FSTL1: variants seen among roughly 807,000 people sequenced by gnomAD.
The protein encoded by FSTL1 is follistatin-related protein 1.
In FSTL1, 24 loss-of-function variants were observed where a neutral mutation model predicts 45.9. The ratio of observed to expected loss-of-function variants is 0.52; its 90% CI spans 0.38 to 0.74. FSTL1 has a LOEUF of 0.74. Among genes scored for constraint, FSTL1 ranks in the 30% least tolerant of loss-of-function variants. FSTL1 has a pLI of 0.00. For missense variants in FSTL1, 340 were observed against 381.8 expected, an observed-to-expected ratio of 0.89 and a Z score of 0.91; for synonymous variants, 120 against 137.6, an observed-to-expected ratio of 0.87 and a Z score of 0.89.
Position 120,413,979 on chromosome 3 carries a change from C to T in FSTL1, c.168+1944G>A, listed in dbSNP as rs967558989. Among the ~76,000 whole-genome samples, 34 of 152,034 alleles carry T rather than the reference C, an allele frequency of 2.2e-4. No individual in the cohort carries two copies. In the South Asian group the frequency reaches 6.0e-3, roughly 27 times the overall value. ...ACTGGTTTTGGTGGAGACGGGGTTT[C>T]GCTGTGTTGGCCAGGCCGGTCTCCA... On this transcript the variant is annotated intron_variant, in intron 3 of 10. Transcript: ENST00000295633.
chr3:120,446,257 T>C (rs1478444898), intron 2 of FSTL1, among the ~76,000 whole-genome samples: 1 of 152,224 alleles, frequency 6.6e-6, no homozygotes, highest in East Asian at 1.9e-4. Flanking sequence ...TTCAAAGACT[T>C]TCTTTTCGTC....
chr3:120,442,127 C>T (rs1195401384), intron 2 of FSTL1, among the ~76,000 whole-genome samples: 1 of 152,218 alleles, frequency 6.6e-6, no homozygotes, highest in Non-Finnish European at 1.5e-5. Flanking sequence ...CCCTTCATCT[C>T]TTGCAGGTAT....
intron 3 of FSTL1, among the ~76,000 whole-genome samples, chr3:120,412,811 CACACAT>C (rs1576213828): frequency 9.3e-6 from 1 of 107,534 alleles, no homozygotes; most frequent in East Asian, 2.7e-4. Context: ...GGCAAACACA[CACACAT>C]GTGCGCGCGC....
intron 2 of FSTL1, chr3:120,441,309 T>G (rs958669790): frequency 2.6e-5 from 4 of 152,216 alleles, no homozygotes; most frequent in Admixed American, 1.3e-4. Flanking sequence ...CCCAGTTATT[T>G]CCATTCACTC....
At chr3:120,409,051 C>G (rs1937000546) in intron 6 of FSTL1, among the ~76,000 whole-genome samples, 1 of 152,190 alleles carries the variant, frequency 6.6e-6, no homozygotes, top group Admixed American at 6.5e-5. Flanking sequence ...GGAACAATCT[C>G]TGGACCCATG....
chr3:120,403,575 C>T (rs1385491143), intron 7 of FSTL1, among the ~76,000 whole-genome samples: 2 of 152,160 alleles, frequency 1.3e-5, no homozygotes, highest in Admixed American at 6.5e-5. Context: ...TGTCAGATCA[C>T]CCAGGCTGTC....
At chr3:120,427,919 A>G (rs1937409343) in intron 2 of FSTL1, among the ~76,000 whole-genome samples, 1 of 152,132 alleles carries the variant, frequency 6.6e-6, no homozygotes, top group Non-Finnish European at 1.5e-5. Flanking sequence ...GCTGCCTGAT[A>G]CCTTGGGGGC....
chr3:120,401,641 G>A (rs1936829086), intron 9 of FSTL1, among the ~76,000 whole-genome samples: 1 of 151,650 alleles, frequency 6.6e-6, no homozygotes. Flanking sequence ...AGAATGCAGT[G>A]GCGTGACTAT....
In FSTL1 at chr3:120,396,220, T is replaced by C. The variant is rs1200385651; in HGVS notation, c.*732A>G. The C allele has an allele frequency of 1.3e-5, 2 of 150,514 alleles. No individual in the cohort carries two copies. Among genetic ancestry groups the C allele is most frequent in the African/African-American group, 2.5e-5 (1 of 40,570 alleles). 9.3% of individuals were successfully genotyped at this position (150,514 alleles called of 1,614,324 possible). A position where few individuals can be genotyped will look rare whatever the true frequency, so the allele number is the denominator to read the frequency against. On this transcript the variant is annotated 3_prime_UTR_variant, in exon 11 of 11. Coordinates refer to ENST00000295633, the MANE Select transcript of FSTL1 (RefSeq NM_007085.5). ...AAAGCTTAATACCTAGTCAAGAAAA[T>C]AAAATATTAAAAAACAATAATATAA...
At chr3:120,429,032 G>A (rs994919492) in intron 2 of FSTL1, among the ~76,000 whole-genome samples, 4 of 152,214 alleles carry the variant, frequency 2.6e-5, no homozygotes, top group African/African-American at 9.6e-5. Flanking sequence ...GGAAAACCTG[G>A]AGTCCGAGGA....
At chr3:120,446,880 G>C (rs1044394031) in intron 2 of FSTL1, among the ~76,000 whole-genome samples, 4 of 152,156 alleles carry the variant, frequency 2.6e-5, no homozygotes, top group African/African-American at 9.7e-5. Flanking sequence ...TCTCTCTTAG[G>C]TAATACACTC....
Position 120,403,210 on chromosome 3 carries a change from C to T in FSTL1, c.694+32G>A, listed in dbSNP as rs749778932. 4.2e-5 allele frequency: 51 copies of T among 1,212,426 alleles called. 1 individual carries two copies. The highest frequency in any genetic ancestry group is 6.3e-5 in the Non-Finnish European group (51 of 812,900). The allele number at this position is 1,212,426 out of a possible 1,614,324, so 75.1% of individuals were successfully genotyped here. ...GGCTCCTACAAAATGCCTCCATTCACTACAGCTCTCTATTTCTTAGGTTAG... is the reference window on the plus strand; with the variant it reads ...GGCTCCTACAAAATGCCTCCATTCATTACAGCTCTCTATTTCTTAGGTTAG... On this transcript the variant is annotated intron_variant, in intron 8 of 10. Transcript: ENST00000295633.
At chr3:120,434,347 T>C (rs1446600973) in intron 2 of FSTL1, among the ~76,000 whole-genome samples, 2 of 152,176 alleles carry the variant, frequency 1.3e-5, no homozygotes, top group Non-Finnish European at 2.9e-5. Context: ...TGATGGTCCA[T>C]TCTAGAGTCA....
intron 2 of FSTL1, among the ~76,000 whole-genome samples, chr3:120,428,923 A>C (rs1324158139): frequency 6.6e-6 from 1 of 152,230 alleles, no homozygotes; most frequent in Non-Finnish European, 1.5e-5. Context: ...AAGTCTCCAT[A>C]TGTGTGGCTC....
At chr3:120,403,444 GC>G in intron 7 of FSTL1, 90 bp from the exon 8 acceptor site, 2 of 747,310 alleles carry the variant, frequency 2.7e-6, no homozygotes, top group East Asian at 5.0e-5. Context: ...TACACCCAGG[GC>G]CTCCACAGGA....
intron 2 of FSTL1, among the ~76,000 whole-genome samples, chr3:120,434,522 G>A (rs981563170): frequency 6.6e-6 from 1 of 152,214 alleles, no homozygotes; most frequent in Non-Finnish European, 1.5e-5. Context: ...CACTAGCCTT[G>A]AAATATTTAT....
In FSTL1 at chr3:120,396,067, G is replaced by A. The variant is rs1056928; in HGVS notation, c.*885C>T. The A allele has an allele frequency of 0.42, 77,737 of 184,472 alleles. 17,694 individuals carry two copies. Among genetic ancestry groups the A allele is most frequent in the Non-Finnish European group, 0.47 (43,806 of 92,500 alleles). The allele number at this position is 184,472 out of a possible 1,614,324, so 11.4% of individuals were successfully genotyped here. A position where few individuals can be genotyped will look rare whatever the true frequency, so the allele number is the denominator to read the frequency against. Reference sequence around the variant, plus strand: ...ATAGTGGACTGCTGGAAGCTAGGGGGGCCAACTATGGGCTGCATCTAGTAT... The same window carrying A: ...ATAGTGGACTGCTGGAAGCTAGGGGAGCCAACTATGGGCTGCATCTAGTAT... On this transcript the variant is annotated 3_prime_UTR_variant, in exon 11 of 11. Coordinates refer to ENST00000295633, the MANE Select transcript of FSTL1 (RefSeq NM_007085.5).
intron 10 of FSTL1, among the ~76,000 whole-genome samples, chr3:120,398,707 T>C (rs1936757188): frequency 6.6e-6 from 1 of 152,248 alleles, no homozygotes; most frequent in African/African-American, 2.4e-5. Flanking sequence ...CTATGTGTAC[T>C]TGCATCCTTG....
chr3:120,405,725 G>C (rs983487115), intron 6 of FSTL1, among the ~76,000 whole-genome samples: 1 of 152,208 alleles, frequency 6.6e-6, no homozygotes. Flanking sequence ...GAGGAGTGCA[G>C]TAAGCTCACA....
Sources: gnomAD v4.1 joint callset for allele counts (sites outside exome capture counted in the v4.1 genomes callset) on GRCh38, gnomAD v4.1.1 for gene constraint, MANE v1.5 for transcripts, NCBI Gene and HGNC (gene_info 2026-07-23, HGNC 2026-07-21) for gene names.